COL11A1: variants seen among roughly 807,000 people sequenced by gnomAD.
COL11A1 encodes collagen type XI alpha 1 chain.
In COL11A1, 74 loss-of-function variants were observed where a neutral mutation model predicts 265.2. The observed-to-expected ratio is 0.28, with a 90% CI of 0.23 to 0.34. The LOEUF (loss-of-function observed/expected upper bound fraction) is 0.34. Ranked by LOEUF, COL11A1 falls within the 10% of genes least tolerant of loss-of-function variation. COL11A1 has a pLI of 1.00. For missense variants in COL11A1, 2,165 were observed against 2,263.6 expected, an observed-to-expected ratio of 0.96 and a Z score of 0.88; for synonymous variants, 816 against 727.6, an observed-to-expected ratio of 1.12 and a Z score of -1.96.
At chr1:102,901,370 A>T (rs888534041) in intron 54 of COL11A1, among the ~76,000 whole-genome samples, 1 of 151,508 alleles carries the variant, frequency 6.6e-6, no homozygotes, top group African/African-American at 2.4e-5. Context: ...TTGCTCTTTC[A>T]AGTCTGCTCC....
chr1:103,062,874 T>C (rs1460642712), intron 4 of COL11A1, among the ~76,000 whole-genome samples: 1 of 151,936 alleles, frequency 6.6e-6, no homozygotes, highest in Non-Finnish European at 1.5e-5. Flanking sequence ...AAATTGGAAA[T>C]AATAAATGAT....
At chr1:102,998,621 A>G (rs994225638) in intron 24 of COL11A1, among the ~76,000 whole-genome samples, 3 of 151,550 alleles carry the variant, frequency 2.0e-5, no homozygotes, top group African/African-American at 7.3e-5. Context: ...AAATTAGCAA[A>G]TTAGTTTTTG....
At chr1:102,958,563 C>T (rs950266463) in intron 41 of COL11A1, among the ~76,000 whole-genome samples, 1 of 152,058 alleles carries the variant, frequency 6.6e-6, no homozygotes, top group Non-Finnish European at 1.5e-5. Flanking sequence ...CATCATCATG[C>T]ACCGCTTCAC....
intron 46 of COL11A1, among the ~76,000 whole-genome samples, chr1:102,932,749 C>G (rs1221007845): frequency 6.6e-6 from 1 of 150,860 alleles, no homozygotes; most frequent in Non-Finnish European, 1.5e-5. Context: ...TAGATTTGGT[C>G]TTTTCACATA....
intron 46 of COL11A1, among the ~76,000 whole-genome samples, chr1:102,928,192 T>G (rs1023323310): frequency 2.0e-5 from 3 of 152,078 alleles, no homozygotes; most frequent in African/African-American, 7.3e-5. Flanking sequence ...GCTGGTGTGC[T>G]GCACCCACTA....
chr1:103,107,059 C>G (rs994962309), intron 1 of COL11A1, among the ~76,000 whole-genome samples: 3 of 152,070 alleles, frequency 2.0e-5, no homozygotes, highest in Non-Finnish European at 4.4e-5. Flanking sequence ...GCCTGCCAGT[C>G]GATTCTAAGG....
rs10582908 is a variant in COL11A1 at position 103,037,252 on chromosome 1, T to TTGTG, written c.652-6012_652-6009dup. Among the ~76,000 whole-genome samples the TTGTG allele has an allele frequency of 5.2e-3, 757 of 145,212 alleles. 6 individuals are homozygous for TTGTG. Among genetic ancestry groups the TTGTG allele is most frequent in the African/African-American group, 6.7e-3 (264 of 39,172 alleles). ...ATACACAAGTAAAGATACATTTAGA[T>TTGTG]TGTGTGTGTGTGTGTGTGTGTGTGT... On this transcript the variant is annotated intron_variant, in intron 4 of 66. Transcript: ENST00000370096.
chr1:102,981,940 T>G (rs1044043688), intron 31 of COL11A1, among the ~76,000 whole-genome samples: 17 of 151,810 alleles, frequency 1.1e-4, no homozygotes, highest in African/African-American at 4.1e-4. Context: ...TGAAAGAGAC[T>G]GGTAAAGGCA....
At position 102,890,496 on chromosome 1, in the gene COL11A1, A is replaced by G; in HGVS notation, c.4311T>C (p.Pro1437=). Residue 1437 remains proline (P), a synonymous_variant, in exon 58 of 67, where the codon CCT becomes CCC. Coordinates refer to ENST00000370096, the MANE Select transcript of COL11A1 (RefSeq NM_001854.4). ...QDGPPGPMGP[P]GLPGLKGDPG... is the part of the protein sequence containing the mutation. The stretch of plus-strand genomic sequence containing the variant: ...GGTCACCTTTGAGACCAGGTAAGCC[A>G]GGAGGTCCCTAAATAATAACAAAAA... The G allele has an allele frequency of 6.2e-7, 1 of 1,604,012 alleles. No individual in the cohort carries two copies. The highest frequency in any genetic ancestry group is 1.4e-5 in the African/African-American group (1 of 73,546).
At chr1:102,917,264 T>G (rs1260974188) in intron 49 of COL11A1, among the ~76,000 whole-genome samples, 1 of 151,860 alleles carries the variant, frequency 6.6e-6, no homozygotes, top group Non-Finnish European at 1.5e-5. Context: ...TAAATGGTGC[T>G]GAGAAATCTG....
intron 46 of COL11A1, among the ~76,000 whole-genome samples, chr1:102,930,162 C>G (rs1304092755): frequency 6.6e-6 from 1 of 152,130 alleles, no homozygotes; most frequent in Non-Finnish European, 1.5e-5. Context: ...GCATCCCTGT[C>G]TTGTGCCCGT....
chr1:103,043,834 G>A (rs1669030969), intron 4 of COL11A1, among the ~76,000 whole-genome samples: 1 of 151,872 alleles, frequency 6.6e-6, no homozygotes, highest in Non-Finnish European at 1.5e-5. Context: ...AAACACATGA[G>A]GAAAAATGTA....
chr1:102,968,324 A>C (rs925513758), intron 37 of COL11A1, among the ~76,000 whole-genome samples: 1 of 152,206 alleles, frequency 6.6e-6, no homozygotes, highest in Non-Finnish European at 1.5e-5. Context: ...TAAAAGACTA[A>C]GCCAATTTTA....
chr1:102,951,715 C>T (rs1659902701), intron 41 of COL11A1, among the ~76,000 whole-genome samples: 2 of 151,824 alleles, frequency 1.3e-5, no homozygotes, highest in African/African-American at 4.8e-5. Flanking sequence ...ACTCCAGAGC[C>T]TGGGCAACGG....
At chr1:103,082,432 C>T (rs746485319) in intron 2 of COL11A1, among the ~76,000 whole-genome samples, 4 of 151,968 alleles carry the variant, frequency 2.6e-5, no homozygotes, top group Non-Finnish European at 5.9e-5. Flanking sequence ...CCCTCCTATA[C>T]CCCAGTCACG....
rs183521493 is a variant in COL11A1, at chr1:103,052,779, A to G, written c.652-21535T>C. Among the ~76,000 whole-genome samples the G allele has an allele frequency of 4.4e-3, 675 of 152,304 alleles. 4 individuals carry two copies. Among genetic ancestry groups the G allele is most frequent in the African/African-American group, 0.015 (627 of 41,580 alleles). ...TTCATTCATGCATTTACTAATCTTT[A>G]TTAACTATAAACACCGTGACAAACT... On this transcript the variant is annotated intron_variant, in intron 4 of 66. Transcript: ENST00000370096.
chr1:103,033,061 T>C (rs1022816190), intron 4 of COL11A1, among the ~76,000 whole-genome samples: 1 of 152,064 alleles, frequency 6.6e-6, no homozygotes, highest in Non-Finnish European at 1.5e-5. Context: ...CTTGTAAAAA[T>C]TGGGCATTTC....
chr1:102,967,047 C>G (rs566058546), intron 37 of COL11A1, among the ~76,000 whole-genome samples: 2 of 152,050 alleles, frequency 1.3e-5, no homozygotes, highest in African/African-American at 4.8e-5. Flanking sequence ...GTTATTTTAT[C>G]TGAATGTGTC....
chr1:102,986,791 T>C (rs186130592), intron 30 of COL11A1, among the ~76,000 whole-genome samples: 2 of 152,250 alleles, frequency 1.3e-5, no homozygotes, highest in East Asian at 3.9e-4. Flanking sequence ...AATGTAATGG[T>C]TGCAAATCTT....
Sources: allele counts gnomAD v4.1 joint callset (sites outside exome capture counted in the v4.1 genomes callset), GRCh38; gene constraint gnomAD v4.1.1; transcripts MANE v1.5; gene names NCBI Gene and HGNC (gene_info 2026-07-23, HGNC 2026-07-21).